Variants in DDX55 observed in about 807,000 individuals in gnomAD.
DDX55 encodes the protein DEAD-box helicase 55.
Under a neutral mutation model 69.2 loss-of-function variants are expected in DDX55, and 56 were observed. The observed-to-expected ratio is 0.81, with a 90% CI of 0.65 to 1.01. DDX55 has a LOEUF of 1.01. Ranked by LOEUF, DDX55 falls within the 50% of genes least tolerant of loss-of-function variation. The pLI is 0.00. For synonymous variants in DDX55, 268 were observed against 273.1 expected, an observed-to-expected ratio of 0.98 and a Z score of 0.18; for missense variants, 720 against 745.1, an observed-to-expected ratio of 0.97 and a Z score of 0.39.
Position 123,607,724 on chromosome 12 carries a change from T to C in DDX55, c.401+62T>C, listed in dbSNP as rs544514370. 83 of 1,611,432 alleles carry C rather than the reference T, an allele frequency of 5.2e-5. No individual in the cohort carries two copies. The South Asian group carries it at 8.7e-4, about 17-fold the overall frequency. ...TTTTGGCATTGAACCTAAGAATCGA[T>C]GTGTGATCTCAGCCTAACTGTGGGT... On this transcript the variant is annotated intron_variant, in intron 5 of 13. Transcript: ENST00000238146.
chr12:123,606,282 A>T (rs550655066), intron 3 of DDX55, 123 bp downstream of exon 3: 9 of 1,155,242 alleles, frequency 7.8e-6, no homozygotes, highest in Non-Finnish European at 1.1e-5. Flanking sequence ...TAATCCCAGC[A>T]CTTTGGGAGA....
At chr12:123,617,967 A>G (rs1954807785) in intron 11 of DDX55, 95 bp downstream of exon 11, 1 of 1,246,832 alleles carries the variant, frequency 8.0e-7, no homozygotes, top group Non-Finnish European at 1.2e-6. Context: ...TACGAATTGC[A>G]AACTCACTGG....
Position 123,616,550 on chromosome 12 carries a change from T to C in DDX55, c.996T>C (p.Ile332=). 1 of 1,614,136 alleles carries C rather than the reference T, an allele frequency of 6.2e-7. No individual in the cohort carries two copies. Among genetic ancestry groups the C allele is most frequent in the East Asian group, 2.2e-5 (1 of 44,878 alleles). The change falls in exon 10 of 14, where the codon ATT becomes ATC. Residue 332 remains isoleucine, a synonymous_variant. Transcript: ENST00000238146. ...GCACTGATGTGATGGCCCGGGGAAT[T>C]GATATTCCTGAAGTCAACTGGGTTT... ...LVCTDVMARG[I]DIPEVNWVLQ... is the part of the protein sequence containing the mutation.
chr12:123,619,103 C>T (rs1215495444), intron 12 of DDX55, among the ~76,000 whole-genome samples: 2 of 152,214 alleles, frequency 1.3e-5, no homozygotes, highest in East Asian at 1.9e-4. Context: ...CCCAGGTTCA[C>T]GCCATTCTCC....
At chr12:123,605,735 C>A in intron 1 of DDX55, 196 bp from the exon 2 acceptor site, 3 of 723,816 alleles carry the variant, frequency 4.1e-6, no homozygotes, top group Non-Finnish European at 7.4e-6. Context: ...GCTCAGCTCA[C>A]TGTCCCCACA....
At position 123,620,627 on chromosome 12, in the gene DDX55, T is replaced by TA. The variant is rs1555284699; in HGVS notation, c.*489dup. On this transcript the variant is annotated 3_prime_UTR_variant, in exon 14 of 14. Transcript: ENST00000238146. ...ATATATATATATATATATATATATA[T>TA]AAGCTCTTTTTTCTGAGGCTATTTT... The TA allele has an allele frequency of 1.0e-5, 1 of 99,806 alleles. No individual in the cohort carries two copies. The highest frequency in any genetic ancestry group is 3.6e-5 in the African/African-American group (1 of 27,476). 6.2% of individuals were successfully genotyped at this position (99,806 alleles called of 1,614,324 possible). A position where few individuals can be genotyped will look rare whatever the true frequency, so the allele number is the denominator to read the frequency against.
At chr12:123,611,597 A>G (rs1365595274) in intron 7 of DDX55, among the ~76,000 whole-genome samples, 4 of 152,224 alleles carry the variant, frequency 2.6e-5, no homozygotes, top group African/African-American at 4.8e-5. Context: ...GAATGTTCCT[A>G]TTGCTGCAGA....
At chr12:123,606,989 C>T (rs928189350) in intron 3 of DDX55, among the ~76,000 whole-genome samples, 13 of 152,170 alleles carry the variant, frequency 8.5e-5, no homozygotes, top group African/African-American at 3.1e-4. Flanking sequence ...CAGAGAAAAT[C>T]CCTGTGCTAG....
Position 123,616,509 on chromosome 12 carries a change from A to T in DDX55, c.957-2A>T. 1 of 1,613,896 alleles carries T rather than the reference A, an allele frequency of 6.2e-7. No homozygotes were observed. Among genetic ancestry groups the T allele is most frequent in the Admixed American group, 1.7e-5 (1 of 59,988 alleles). On this transcript the variant is annotated splice_acceptor_variant, in intron 9 of 13. Coordinates refer to ENST00000238146, the MANE Select transcript of DDX55 (RefSeq NM_020936.3). LOFTEE classifies it high-confidence loss of function. ...TCAGAATGCTTTTTTCTCATTTCCTAGTGGGATTTTAGTGTGCACTGATGT... is the reference window on the plus strand; with the variant it reads ...TCAGAATGCTTTTTTCTCATTTCCTTGTGGGATTTTAGTGTGCACTGATGT...
chr12:123,616,425 G>A (rs1237223186), intron 9 of DDX55, 86 bp from the exon 10 acceptor site: 34 of 1,199,174 alleles, frequency 2.8e-5, no homozygotes, highest in Non-Finnish European at 4.1e-5. Flanking sequence ...GCACCTGTGT[G>A]TCACTGTCAT....
chr12:123,620,583 TA>T lies in DDX55; in HGVS notation c.*444del, dbSNP rs58259285. ...CACATATAGACATATGTACATATTA[TA>T]TATATATATATATATATATATATAT... On this transcript the variant is annotated 3_prime_UTR_variant, in exon 14 of 14. Coordinates refer to ENST00000238146, the MANE Select transcript of DDX55 (RefSeq NM_020936.3). The T allele has an allele frequency of 0.03, 767 of 25,418 alleles. 16 individuals carry two copies. The highest frequency in any genetic ancestry group is 0.081 in the African/African-American group (610 of 7,542). The allele number at this position is 25,418 out of a possible 1,614,324, so 1.6% of individuals were successfully genotyped here.
intron 7 of DDX55, among the ~76,000 whole-genome samples, chr12:123,610,912 T>G (rs1376858942): frequency 1.4e-5 from 2 of 145,386 alleles, no homozygotes; most frequent in East Asian, 2.0e-4. Context: ...TTGTTTTTTT[T>G]TGTTTTGAGA....
chr12:123,609,370 G>GTTTTGTTTTTTTT (rs1954072210), intron 6 of DDX55, among the ~76,000 whole-genome samples: 1 of 124,700 alleles, frequency 8.0e-6, no homozygotes, highest in Non-Finnish European at 1.7e-5. Context: ...TTTCCTTCAA[G>GTTTTGTTTTTTTT]TTTTTTTTTT....
rs1954787728 is a variant in DDX55 at position 123,617,773 on chromosome 12, C to T, written c.1065C>T (p.Arg355=). ...PPSNASAFVH[R]CGRTARIGHG... ...GTTCTCACAGTGCCTTCGTGCATCGCTGCGGTCGCACAGCTCGCATTGGCC... is the reference window on the plus strand; with the variant it reads ...GTTCTCACAGTGCCTTCGTGCATCGTTGCGGTCGCACAGCTCGCATTGGCC... Residue 355 remains arginine, a synonymous_variant, in exon 11 of 14, where the codon CGC becomes CGT. Coordinates refer to ENST00000238146, the MANE Select transcript of DDX55 (RefSeq NM_020936.3). The T allele has an allele frequency of 6.2e-7, 1 of 1,612,670 alleles. No individual in the cohort carries two copies. Among genetic ancestry groups the T allele is most frequent in the Non-Finnish European group, 8.5e-7 (1 of 1,179,582 alleles).
chr12:123,618,750 G>A lies in DDX55; in HGVS notation c.1246G>A (p.Ala416Thr). The A allele has an allele frequency of 1.2e-6, 2 of 1,614,176 alleles. No individual in the cohort carries two copies. Among genetic ancestry groups the A allele is most frequent in the Admixed American group, 1.7e-5 (1 of 60,026 alleles). Residue 416 changes from alanine to threonine, a missense_variant, in exon 12 of 14, where the codon GCT becomes ACT. Coordinates refer to ENST00000238146, the MANE Select transcript of DDX55 (RefSeq NM_020936.3). ...KLKSMALADR[A>T]VFEKGMKAFV... ...CAAGTCCATGGCCCTGGCTGACAGA[G>A]CTGTGTTTGAAAAGGGCATGAAAGC...
intron 7 of DDX55, among the ~76,000 whole-genome samples, chr12:123,612,679 TAA>T (rs35122557): frequency 1.4e-5 from 2 of 147,402 alleles, no homozygotes; most frequent in African/African-American, 5.0e-5. Flanking sequence ...AATCTGCATT[TAA>T]AAAAAAAAAA....
intron 7 of DDX55, among the ~76,000 whole-genome samples, chr12:123,612,052 A>T (rs1342764461): frequency 6.6e-6 from 1 of 152,246 alleles, no homozygotes; most frequent in African/African-American, 2.4e-5. Flanking sequence ...TGGGTTGAGC[A>T]TTCCTAACTT....
At chr12:123,610,674 C>T (rs1407275541) in intron 7 of DDX55, among the ~76,000 whole-genome samples, 9 of 142,134 alleles carry the variant, frequency 6.3e-5, no homozygotes, top group African/African-American at 8.1e-5. Context: ...TGCAGTGGCG[C>T]GATCTCAGCT....
chr12:123,609,684 T>C (rs1954096589), intron 6 of DDX55, among the ~76,000 whole-genome samples: 1 of 152,176 alleles, frequency 6.6e-6, no homozygotes, highest in South Asian at 2.1e-4. Flanking sequence ...TTTTGTTGTT[T>C]TTTAATAAAC....
Sources: gnomAD v4.1 joint callset for allele counts (sites outside exome capture counted in the v4.1 genomes callset) on GRCh38, gnomAD v4.1.1 for gene constraint, MANE v1.5 for transcripts, NCBI Gene and HGNC (gene_info 2026-07-23, HGNC 2026-07-21) for gene names.